The following KCNIP4 variants were observed in gnomAD, a reference collection of about 807,000 sequenced individuals.
The protein encoded by KCNIP4 is Kv channel-interacting protein 4.
KCNIP4 carries 12 observed loss-of-function variants against 34.0 expected under a neutral mutation model. The ratio of observed to expected loss-of-function variants is 0.35; its 90% CI spans 0.23 to 0.57. KCNIP4 has a LOEUF of 0.57. Ranked by LOEUF, KCNIP4 falls within the 20% of genes least tolerant of loss-of-function variation. The probability of loss-of-function intolerance (pLI) is 0.83; values close to 1 mark genes in which losing one functional copy is unlikely to be tolerated. For missense variants in KCNIP4, 238 were observed against 311.7 expected, an observed-to-expected ratio of 0.76 and a Z score of 1.78; for synonymous variants, 124 against 102.2, an observed-to-expected ratio of 1.21 and a Z score of -1.29.
intron 1 of KCNIP4, among the ~76,000 whole-genome samples, chr4:21,645,270 A>G (rs1328664182): frequency 6.6e-6 from 1 of 152,180 alleles, no homozygotes; most frequent in African/African-American, 2.4e-5. Context: ...GACAGGTTAA[A>G]TAAATTGCCC....
At chr4:21,893,228 G>T (rs953360950) in intron 1 of KCNIP4, among the ~76,000 whole-genome samples, 2 of 152,112 alleles carry the variant, frequency 1.3e-5, no homozygotes, top group Non-Finnish European at 2.9e-5. Flanking sequence ...AGGGCAGAAC[G>T]CCTTCCTAGT....
intron 1 of KCNIP4, among the ~76,000 whole-genome samples, chr4:21,747,523 A>G (rs1716856990): frequency 6.6e-6 from 1 of 152,122 alleles, no homozygotes; most frequent in South Asian, 2.1e-4. Context: ...TGCCAGAAGA[A>G]CCTGTGAAAT....
chr4:21,835,712 C>A (rs1723278305), intron 1 of KCNIP4, among the ~76,000 whole-genome samples: 1 of 151,944 alleles, frequency 6.6e-6, no homozygotes, highest in South Asian at 2.1e-4. Context: ...TCTGAAGAAG[C>A]TTTCATGTAT....
chr4:21,088,328 C>A (rs778968545), intron 1 of KCNIP4, among the ~76,000 whole-genome samples: 4 of 152,110 alleles, frequency 2.6e-5, no homozygotes, highest in Admixed American at 6.5e-5. Flanking sequence ...TGGCTCCTGG[C>A]TCTGTGCATT....
chr4:20,840,416 A>T (rs1328669977), intron 3 of KCNIP4, among the ~76,000 whole-genome samples: 2 of 152,182 alleles, frequency 1.3e-5, no homozygotes, highest in African/African-American at 4.8e-5. Context: ...GGAGAAAATA[A>T]AATTTTATTT....
At chr4:20,906,593 A>C (rs1727795813) in intron 1 of KCNIP4, among the ~76,000 whole-genome samples, 1 of 152,166 alleles carries the variant, frequency 6.6e-6, no homozygotes, top group African/African-American at 2.4e-5. Context: ...TCCTTTGTAT[A>C]ACATTTAGTA....
intron 1 of KCNIP4, among the ~76,000 whole-genome samples, chr4:21,407,973 A>T (rs1373846361): frequency 1.3e-5 from 2 of 152,220 alleles, no homozygotes; most frequent in African/African-American, 2.4e-5. Context: ...GGCTAAAAAA[A>T]TAAACAACTG....
At chr4:21,153,515 GTATATATATATATATA>G (rs59614946) in intron 1 of KCNIP4, among the ~76,000 whole-genome samples, 1 of 140,906 alleles carries the variant, frequency 7.1e-6, no homozygotes, top group East Asian at 2.1e-4. Context: ...ATGTGTGTGT[GTATATATATATATATA>G]TATATATATA....
intron 1 of KCNIP4, among the ~76,000 whole-genome samples, chr4:21,182,622 T>C (rs1754925678): frequency 6.6e-6 from 1 of 152,076 alleles, no homozygotes; most frequent in African/African-American, 2.4e-5. Context: ...CCCTCTACCC[T>C]TCCAGCCTCA....
intron 3 of KCNIP4, among the ~76,000 whole-genome samples, chr4:20,841,858 C>T (rs372434717): frequency 2.0e-5 from 3 of 152,202 alleles, no homozygotes; most frequent in South Asian, 2.1e-4. Flanking sequence ...GCCACTCTTG[C>T]TCACTCTTGC....
rs368280910 is a variant in KCNIP4, at chr4:21,235,587, C to T, written c.62-352878G>A. 9.9e-5 allele frequency among the ~76,000 whole-genome samples: 15 copies of T among 152,230 alleles called. No homozygotes were observed. In the East Asian group the frequency reaches 1.9e-3, roughly 20 times the overall value. On this transcript the variant is annotated intron_variant, in intron 1 of 8. Coordinates refer to ENST00000382152, the MANE Select transcript of KCNIP4 (RefSeq NM_025221.6). The stretch of plus-strand genomic sequence containing the variant: ...GACTGGCTTATAGTATGACCCACTC[C>T]GTCCTTCTCTACTCATTTACCATGC...
chr4:20,820,695 C>T (rs984687653), intron 3 of KCNIP4, among the ~76,000 whole-genome samples: 53 of 152,286 alleles, frequency 3.5e-4, no homozygotes, highest in African/African-American at 1.1e-3. Context: ...CTCCTCCCAT[C>T]ACAGGCCCAG....
intron 1 of KCNIP4, among the ~76,000 whole-genome samples, chr4:21,078,264 G>A (rs1295175774): frequency 1.3e-5 from 2 of 152,096 alleles, no homozygotes; most frequent in Non-Finnish European, 2.9e-5. Context: ...TGGGTAACTA[G>A]GATAGTGTGG....
At chr4:21,651,885 C>A (rs956421580) in intron 1 of KCNIP4, among the ~76,000 whole-genome samples, 2 of 151,748 alleles carry the variant, frequency 1.3e-5, no homozygotes, top group African/African-American at 4.8e-5. Flanking sequence ...ATATATATAG[C>A]TATGTAATAC....
chr4:20,914,762 C>G (rs188682635), intron 1 of KCNIP4, among the ~76,000 whole-genome samples: 1 of 152,126 alleles, frequency 6.6e-6, no homozygotes, highest in East Asian at 1.9e-4. Context: ...TTTGGCCAAA[C>G]AGTATAGAAA....
chr4:21,112,955 T>C (rs1749350347), intron 1 of KCNIP4, among the ~76,000 whole-genome samples: 1 of 152,228 alleles, frequency 6.6e-6, no homozygotes, highest in South Asian at 2.1e-4. Flanking sequence ...TCAGATTGTA[T>C]TCGCTTTCTA....
chr4:21,424,371 G>A (rs889402149), intron 1 of KCNIP4, among the ~76,000 whole-genome samples: 1 of 150,968 alleles, frequency 6.6e-6, no homozygotes, highest in East Asian at 2.1e-4. Flanking sequence ...AGGAGTTCGA[G>A]ACCAGCCTGA....
At chr4:21,717,309 A>G (rs1012859231) in intron 1 of KCNIP4, among the ~76,000 whole-genome samples, 1 of 152,168 alleles carries the variant, frequency 6.6e-6, no homozygotes, top group African/African-American at 2.4e-5. Flanking sequence ...TTGACTAATG[A>G]GAGTGCCATG....
chr4:21,791,708 G>T (rs2109234330), intron 1 of KCNIP4, among the ~76,000 whole-genome samples: 1 of 152,036 alleles, frequency 6.6e-6, no homozygotes, highest in East Asian at 1.9e-4. Context: ...CTCAGCTGTA[G>T]AAAGCAAACA....
Sources: gnomAD v4.1 joint callset for allele counts (sites outside exome capture counted in the v4.1 genomes callset) on GRCh38, gnomAD v4.1.1 for gene constraint, MANE v1.5 for transcripts, NCBI Gene and HGNC (gene_info 2026-07-23, HGNC 2026-07-21) for gene names.